PXDN: variants seen among roughly 807,000 people sequenced by gnomAD.
The protein encoded by PXDN is peroxidasin, also known as peroxidasin homolog.
A neutral mutation model predicts 140.3 loss-of-function variants in PXDN; 77 were observed. That is an observed-to-expected ratio of 0.55 (90% confidence interval 0.46 to 0.66). The LOEUF is 0.66. Ranked by LOEUF, PXDN falls within the 30% of genes least tolerant of loss-of-function variation. The probability of loss-of-function intolerance (pLI) is 0.00; values close to 1 mark genes in which losing one functional copy is unlikely to be tolerated. For missense variants in PXDN, 1,838 were observed against 2,039.5 expected, an observed-to-expected ratio of 0.90 and a Z score of 1.90; for synonymous variants, 911 against 857.4, an observed-to-expected ratio of 1.06 and a Z score of -1.09.
At chr2:1,744,534 C>T (rs955960254), upstream of PXDN, 8 of 1,222,034 alleles carry the variant, frequency 6.5e-6, no homozygotes, top group Non-Finnish European at 8.3e-6. Flanking sequence ...GGCCGCGGCC[C>T]ACGTCCCAGC....
intron 1 of PXDN, among the ~76,000 whole-genome samples, chr2:1,701,716 A>G (rs912920901): frequency 1.3e-5 from 2 of 152,062 alleles, no homozygotes; most frequent in African/African-American, 2.4e-5. Flanking sequence ...GAGCGTTCGC[A>G]CCCCGTCAAA....
intron 9 of PXDN, 107 bp from the exon 10 acceptor site, chr2:1,666,593 G>C (rs1345827583): frequency 1.5e-6 from 2 of 1,327,940 alleles, no homozygotes; most frequent in East Asian, 2.5e-5. Context: ...ACCGAAATAG[G>C]CAAAACAAAC....
Position 1,649,440 on chromosome 2 carries a change from G to GC in PXDN, c.2339dup (p.Ile781HisfsTer86). ...CGTTGTACAGTCGGTGGGGGTTGAT[G>GC]CCCCGAGGGGTGTTGAAGCCATTCT... is the stretch of plus-strand genomic sequence containing the variant. On this transcript the variant is annotated frameshift_variant, in exon 17 of 23. Coordinates refer to ENST00000252804, the MANE Select transcript of PXDN (RefSeq NM_012293.3). LOFTEE classifies it high-confidence loss of function. The surrounding 1 kb of genome is among the most constrained non-coding windows in gnomAD (Gnocchi z 7.1). 6.2e-7 allele frequency: 1 copy of GC among 1,613,988 alleles called. No homozygotes were observed. The highest frequency in any genetic ancestry group is 8.5e-7 in the Non-Finnish European group (1 of 1,179,890).
intron 9 of PXDN, chr2:1,672,353 T>C (rs1437714986): frequency 2.0e-5 from 3 of 152,260 alleles, no homozygotes; most frequent in Admixed American, 1.3e-4. Flanking sequence ...GTAACTCTCC[T>C]AAGTAGTTCA....
In PXDN at chr2:1,698,124, A is replaced by C. The variant is rs550648880; in HGVS notation, c.201-4990T>G. ...ATCCCTTCTAAAGCCTGGGGCCCTAAACCATAAAGCACCAATGACAGTAAG... is the reference window on the plus strand; with the variant it reads ...ATCCCTTCTAAAGCCTGGGGCCCTACACCATAAAGCACCAATGACAGTAAG... On this transcript the variant is annotated intron_variant, in intron 1 of 22. Coordinates refer to ENST00000252804, the MANE Select transcript of PXDN (RefSeq NM_012293.3). 2.0e-4 allele frequency among the ~76,000 whole-genome samples: 30 copies of C among 152,292 alleles called. 1 individual carries two copies. In the South Asian group the frequency reaches 6.0e-3, roughly 31 times the overall value.
At chr2:1,707,535 C>G (rs1318707831) in intron 1 of PXDN, among the ~76,000 whole-genome samples, 1 of 152,234 alleles carries the variant, frequency 6.6e-6, no homozygotes, top group Non-Finnish European at 1.5e-5. Context: ...ATATGTCTGA[C>G]TTTTGTGTAA....
At chr2:1,744,731 AC>A (rs1685653141), upstream of PXDN, 1 of 285,180 alleles carries the variant, frequency 3.5e-6, no homozygotes, top group Non-Finnish European at 6.4e-6. Context: ...GAGCATTGGC[AC>A]CCCTGATTCT....
At position 1,636,620 on chromosome 2, in the gene PXDN, C is replaced by T. The variant is rs139019605; in HGVS notation, c.4207-1099G>A. 16 of 151,950 alleles carry T rather than the reference C, an allele frequency of 1.1e-4. No homozygotes were observed. The East Asian group carries it at 2.9e-3, about 28-fold the overall frequency. The allele number at this position is 151,950 out of a possible 1,614,324, so 9.4% of individuals were successfully genotyped here. ...CGGCTTCTAAATGAAAGCCATCTTTCCTGCATGCCTCATTCATTAGCAACT... is the reference window on the plus strand; with the variant it reads ...CGGCTTCTAAATGAAAGCCATCTTTTCTGCATGCCTCATTCATTAGCAACT... On this transcript the variant is annotated intron_variant, in intron 21 of 22. Transcript: ENST00000252804.
At chr2:1,721,743 C>T (rs966190463) in intron 1 of PXDN, among the ~76,000 whole-genome samples, 11 of 152,114 alleles carry the variant, frequency 7.2e-5, no homozygotes, top group African/African-American at 9.7e-5. Flanking sequence ...AGGAGAATGG[C>T]GTGAACCCAG....
Position 1,744,400 on chromosome 2 carries a change from A to G in PXDN, c.56T>C (p.Phe19Ser). The change falls in exon 1 of 23, where the codon TTC (phenylalanine) becomes TCC (serine). Residue 19 changes from phenylalanine to serine, a missense_variant. By Grantham distance (155) the Phe-to-Ser change is radical (BLOSUM62 -2). This residue lies in a region of PXDN where 231 missense variants were observed against 201.5 expected (regional missense o/e 1.15). Transcript: ENST00000252804. ...CACGGCCAGCGTCCCCCAGGCGCAGAACAGCACGAGCGCCAACAGGCAGCG... is the reference window on the plus strand; with the variant it reads ...CACGGCCAGCGTCCCCCAGGCGCAGGACAGCACGAGCGCCAACAGGCAGCG... ...GRRCLLALVL[F>S]CAWGTLAVVA... The G allele has an allele frequency of 6.6e-7, 1 of 1,519,850 alleles. No individual in the cohort carries two copies. Among genetic ancestry groups the G allele is most frequent in the Non-Finnish European group, 8.8e-7 (1 of 1,140,682 alleles). The allele number at this position is 1,519,850 out of a possible 1,614,324, so 94.1% of individuals were successfully genotyped here.
At chr2:1,722,715 C>A (rs781690370) in intron 1 of PXDN, among the ~76,000 whole-genome samples, 1 of 152,240 alleles carries the variant, frequency 6.6e-6, no homozygotes, top group African/African-American at 2.4e-5. Context: ...TTCTCTATAA[C>A]CCTCTAGCTA....
rs545908716 is a variant in PXDN, at chr2:1,655,891, A to G, written c.1838-1383T>C. On this transcript the variant is annotated intron_variant, in intron 14 of 22. Transcript: ENST00000252804. ...ATCACACATCCATCACACTACACTC[A>G]GATACACACGACACACACATCACAT... Among the ~76,000 whole-genome samples, 5 of 151,830 alleles carry G rather than the reference A, an allele frequency of 3.3e-5. No individual in the cohort carries two copies. The South Asian group carries it at 1.0e-3, about 32-fold the overall frequency.
In PXDN at chr2:1,631,988, C is replaced by T. The variant is rs1572106870; in HGVS notation, c.*2216G>A. The T allele has an allele frequency of 6.5e-6, 1 of 152,712 alleles. No individual in the cohort carries two copies. The highest frequency in any genetic ancestry group is 2.4e-5 in the African/African-American group (1 of 41,570). The allele number at this position is 152,712 out of a possible 1,614,324, so 9.5% of individuals were successfully genotyped here. On this transcript the variant is annotated 3_prime_UTR_variant, in exon 23 of 23. Coordinates refer to ENST00000252804, the MANE Select transcript of PXDN (RefSeq NM_012293.3). ...CTGAATACAATGGTCATAAAAAAGG[C>T]ATTTGGCTGTTGGAGCAGTTAGAAA...
chr2:1,693,259 C>A, intron 1 of PXDN, 125 bp from the exon 2 acceptor site: 1 of 697,918 alleles, frequency 1.4e-6, no homozygotes, highest in Non-Finnish European at 2.4e-6. Context: ...CAGTTCACTC[C>A]TTCAATGAAT....
At chr2:1,653,154 C>A (rs1243369431) in intron 16 of PXDN, 2 of 249,022 alleles carry the variant, frequency 8.0e-6, no homozygotes, top group South Asian at 5.6e-5. Context: ...CCTCCCCCAA[C>A]AGCATCTCCA....
chr2:1,733,936 C>G (rs72765507), intron 1 of PXDN, among the ~76,000 whole-genome samples: 135 of 152,060 alleles, frequency 8.9e-4, no homozygotes, highest in Non-Finnish European at 1.6e-3. Context: ...AGTAAAAGGA[C>G]TGAAATATGA....
chr2:1,634,818 C>A (rs1200867275), intron 22 of PXDN, among the ~76,000 whole-genome samples: 1 of 152,216 alleles, frequency 6.6e-6, no homozygotes, highest in Non-Finnish European at 1.5e-5. Context: ...AAGAGAAGTG[C>A]CCGGGCTGGC....
At chr2:1,709,017 T>C (rs950050291) in intron 1 of PXDN, among the ~76,000 whole-genome samples, 4 of 152,210 alleles carry the variant, frequency 2.6e-5, no homozygotes, top group African/African-American at 9.6e-5. Context: ...CTGCTGAGGC[T>C]GCCAGTTCAC....
intron 12 of PXDN, among the ~76,000 whole-genome samples, chr2:1,662,921 C>G (rs1236375800): frequency 1.3e-5 from 2 of 152,178 alleles, no homozygotes; most frequent in African/African-American, 4.8e-5. Context: ...ATGACAAGCT[C>G]AGGGTCTGTG....
Sources: gnomAD v4.1 joint callset for allele counts (sites outside exome capture counted in the v4.1 genomes callset) on GRCh38, gnomAD v4.1.1 for gene constraint, gnomAD v4.1.1 regional missense constraint, Gnocchi (gnomAD v3.1) non-coding constraint, MANE v1.5 for transcripts, NCBI Gene and HGNC (gene_info 2026-07-23, HGNC 2026-07-21) for gene names.